PER3: variants seen among roughly 807,000 people sequenced by gnomAD.
The protein encoded by PER3 is period circadian regulator 3.
Under a neutral mutation model 127.2 loss-of-function variants are expected in PER3, and 107 were observed. The ratio of observed to expected loss-of-function variants is 0.84; its 90% CI spans 0.72 to 0.99. PER3 has a LOEUF of 0.99. Ranked by LOEUF, PER3 falls within the 50% of genes least tolerant of loss-of-function variation. The pLI is 0.00. For synonymous variants in PER3, 618 were observed against 585.8 expected (o/e 1.05, Z -0.79); for missense variants, 1,560 against 1,525.8 (o/e 1.02, Z -0.37).
intron 11 of PER3, among the ~76,000 whole-genome samples, chr1:7,809,566 T>G (rs2097209914): frequency 6.6e-6 from 1 of 152,178 alleles, no homozygotes; most frequent in Non-Finnish European, 1.5e-5. Flanking sequence ...ATATAGTTAG[T>G]TTGTTCTCTG....
chr1:7,796,709 C>T lies in PER3; in HGVS notation c.645-1816C>T, dbSNP rs228684. 7.5e-3 allele frequency among the ~76,000 whole-genome samples: 1,137 copies of T among 152,196 alleles called. 2 individuals are homozygous for T. The highest frequency in any genetic ancestry group is 0.012 in the Non-Finnish European group (804 of 68,024). On this transcript the variant is annotated intron_variant, in intron 6 of 21. Transcript: ENST00000377532. ...GGGAGGCAGGGAGGGCAGTTAGAGGCTGTTACAGAGGTACAGGCTATAGGC... is the reference window on the plus strand; with the variant it reads ...GGGAGGCAGGGAGGGCAGTTAGAGGTTGTTACAGAGGTACAGGCTATAGGC...
rs75338263 is a variant in PER3 at position 7,830,112 on chromosome 1, G to A, written c.3165G>A (p.Thr1055=). The change falls in exon 19 of 22, where the codon ACG becomes ACA. Residue 1055 remains threonine, a synonymous_variant. Transcript: ENST00000377532. The part of the protein sequence containing the change: ...PSHPTATVLS[T]GSPPSESPSR... ...ATCCTACTGCCACTGTTCTGTCCAC[G>A]GGGTCACCTCCCAGCGAATCCCCAT... The A allele has an allele frequency of 5.0e-6, 8 of 1,614,036 alleles. No individual in the cohort carries two copies. Among genetic ancestry groups the A allele is most frequent in the South Asian group, 2.2e-5 (2 of 91,084 alleles).
rs143866940 is a variant in PER3 at position 7,824,917 on chromosome 1, T to C, written c.1958-1563T>C. On this transcript the variant is annotated intron_variant, in intron 16 of 21. Transcript: ENST00000377532. ...TGGTTTTTTCCTCCCATGAATGCCC[T>C]GGTGAGTCCTTGGAAGCCCTCCAGG... Among the ~76,000 whole-genome samples, 233 of 152,342 alleles carry C rather than the reference T, an allele frequency of 1.5e-3. 1 individual carries two copies. Among genetic ancestry groups the C allele is most frequent in the Admixed American group, 5.3e-3 (81 of 15,302 alleles).
chr1:7,787,932 C>T (rs1167628033), intron 4 of PER3, 113 bp from the exon 5 acceptor site: 13 of 742,978 alleles, frequency 1.7e-5, no homozygotes, highest in Non-Finnish European at 2.8e-5. Context: ...GTAGGTTGTG[C>T]CTGTGTATTT....
At chr1:7,813,377 G>T (rs2097230049) in intron 13 of PER3, among the ~76,000 whole-genome samples, 1 of 152,186 alleles carries the variant, frequency 6.6e-6, no homozygotes, top group Non-Finnish European at 1.5e-5. Flanking sequence ...GCAAGTTCAA[G>T]ACCTTTCTTG....
At position 7,784,749 on chromosome 1, in the gene PER3, C is replaced by A; in HGVS notation, c.-129C>A. 1.0e-6 allele frequency: 1 copy of A among 1,002,022 alleles called. No individual in the cohort carries two copies. The highest frequency in any genetic ancestry group is 1.3e-6 in the Non-Finnish European group (1 of 741,948). 62.1% of individuals were successfully genotyped at this position (1,002,022 alleles called of 1,614,324 possible). ...GCGTGACCCCCTGGCTCGTGGTGGC[C>A]GCCTGTTCTCACTAACGCCATGGCG... is the stretch of plus-strand genomic sequence containing the variant. On this transcript the variant is annotated 5_prime_UTR_variant, in exon 2 of 22. Transcript: ENST00000377532.
chr1:7,788,730 C>T (rs1577619270), intron 5 of PER3, among the ~76,000 whole-genome samples: 1 of 151,836 alleles, frequency 6.6e-6, no homozygotes, highest in East Asian at 1.9e-4. Context: ...ATGGTAAAAC[C>T]CCATCTGTAC....
At chr1:7,808,232 C>CAAAAAAAAA (rs60220289) in intron 10 of PER3, among the ~76,000 whole-genome samples, 14 of 97,738 alleles carry the variant, frequency 1.4e-4, no homozygotes, top group African/African-American at 3.7e-4. Flanking sequence ...GACTCTGTCT[C>CAAAAAAAAA]AAAAAAAAAA....
intron 3 of PER3, among the ~76,000 whole-genome samples, chr1:7,785,978 T>G (rs2097087566): frequency 6.6e-6 from 1 of 152,216 alleles, no homozygotes; most frequent in African/African-American, 2.4e-5. Context: ...GTAATGAGGC[T>G]GGGCGCGGTG....
chr1:7,816,011 A>AAT (rs2097248925), intron 13 of PER3, among the ~76,000 whole-genome samples: 1 of 147,514 alleles, frequency 6.8e-6, no homozygotes, highest in African/African-American at 2.5e-5. Context: ...AAAAAAAAAA[A>AAT]AAAAAATTGA....
intron 6 of PER3, among the ~76,000 whole-genome samples, chr1:7,794,478 C>T (rs1335482148): frequency 4.0e-5 from 6 of 151,778 alleles, no homozygotes; most frequent in East Asian, 1.9e-4. Flanking sequence ...GGCAACAGAG[C>T]GAGACTCTGT....
rs184016847 is a variant in PER3, at chr1:7,799,541, C to T, written c.793+868C>T. On this transcript the variant is annotated intron_variant, in intron 7 of 21. Transcript: ENST00000377532. The stretch of plus-strand genomic sequence containing the variant: ...ACTGCTTGAACCGGGACCCGGGAGG[C>T]GGAGGTTGCGGTGAGCTGAGATCAC... Among the ~76,000 whole-genome samples the T allele has an allele frequency of 7.2e-4, 104 of 143,860 alleles. 1 individual carries two copies. Among genetic ancestry groups the T allele is most frequent in the Middle Eastern group, 7.0e-3 (2 of 284 alleles). The allele number at this position is 143,860 out of a possible 152,430, so 94.4% of individuals were successfully genotyped here. A position where few individuals can be genotyped will look rare whatever the true frequency, so the allele number is the denominator to read the frequency against.
At chr1:7,790,594 C>T (rs1482280644) in intron 5 of PER3, among the ~76,000 whole-genome samples, 8 of 152,156 alleles carry the variant, frequency 5.3e-5, no homozygotes, top group Non-Finnish European at 1.2e-4. Flanking sequence ...TTTCAAAATG[C>T]AATCATGCTT....
chr1:7,795,912 G>A (rs926033845), intron 6 of PER3, among the ~76,000 whole-genome samples: 1 of 152,130 alleles, frequency 6.6e-6, no homozygotes, highest in Non-Finnish European at 1.5e-5. Context: ...CTCTTCCCAG[G>A]TTACCAGACA....
In PER3 at chr1:7,798,778, A is replaced by G. The variant is rs769584209; in HGVS notation, c.793+105A>G. The G allele has an allele frequency of 1.4e-4, 121 of 869,394 alleles. 1 individual carries two copies. The Middle Eastern group carries it at 2.3e-3, about 16-fold the overall frequency. 53.9% of individuals were successfully genotyped at this position (869,394 alleles called of 1,614,324 possible). ...AACAAAAAGAGCTCTTGGGTCTCCA[A>G]TTTGACCCTTAAACTCTTCAGGCAT... On this transcript the variant is annotated intron_variant, in intron 7 of 21. Coordinates refer to ENST00000377532, the MANE Select transcript of PER3 (RefSeq NM_001377275.1).
intron 9 of PER3, 134 bp from the exon 10 acceptor site, chr1:7,803,558 A>G (rs545859321): frequency 1.6e-6 from 1 of 622,164 alleles, no homozygotes; most frequent in African/African-American, 1.8e-5. Flanking sequence ...ACTGCACTCC[A>G]GCCTAGGCAA....
intron 4 of PER3, chr1:7,787,298 A>G: frequency 6.1e-6 from 1 of 162,780 alleles, no homozygotes; most frequent in Non-Finnish European, 7.9e-6. Flanking sequence ...GACCTTTAGT[A>G]TATCTTTTTT....
At chr1:7,794,078 A>C (rs1402513533) in intron 6 of PER3, 70 bp downstream of exon 6, 1 of 1,185,376 alleles carries the variant, frequency 8.4e-7, no homozygotes, top group Non-Finnish European at 1.3e-6. Context: ...AGTTGGTTTG[A>C]TTCTTGTGTA....
chr1:7,808,845 G>T, intron 10 of PER3, 48 bp from the exon 11 acceptor site: 1 of 973,372 alleles, frequency 1.0e-6, no homozygotes, highest in South Asian at 1.4e-5. Context: ...AATCACTTTC[G>T]ACTTCATTTA....
Sources: allele counts gnomAD v4.1 joint callset (sites outside exome capture counted in the v4.1 genomes callset), GRCh38; gene constraint gnomAD v4.1.1; transcripts MANE v1.5; gene names NCBI Gene and HGNC (gene_info 2026-07-23, HGNC 2026-07-21).